RGS7: variants seen among roughly 807,000 people sequenced by gnomAD.
RGS7 encodes the protein regulator of G-protein signaling 7.
RGS7 carries 27 observed loss-of-function variants against 81.1 expected under a neutral mutation model. The ratio of observed to expected loss-of-function variants is 0.33; its 90% CI spans 0.25 to 0.46. The LOEUF is 0.46. RGS7 is among the 20% of genes least tolerant of loss of function. The pLI is 1.00. For synonymous variants in RGS7, 208 were observed against 207.7 expected, an observed-to-expected ratio of 1.00 and a Z score of -0.01; for missense variants, 396 against 607.4, an observed-to-expected ratio of 0.65 and a Z score of 3.66.
chr1:241,256,603 G>A (rs2077061820), intron 2 of RGS7, among the ~76,000 whole-genome samples: 1 of 152,170 alleles, frequency 6.6e-6, no homozygotes, highest in Non-Finnish European at 1.5e-5. Flanking sequence ...GGAAATCCAA[G>A]ATCAAGGTGT....
At chr1:241,180,521 C>T (rs2071529740) in intron 2 of RGS7, among the ~76,000 whole-genome samples, 1 of 152,174 alleles carries the variant, frequency 6.6e-6, no homozygotes, top group Non-Finnish European at 1.5e-5. Context: ...GAGAAACCCA[C>T]CTTGACACCT....
At chr1:241,301,348 T>G (rs916014342) in intron 2 of RGS7, among the ~76,000 whole-genome samples, 4 of 152,206 alleles carry the variant, frequency 2.6e-5, no homozygotes, top group Non-Finnish European at 5.9e-5. Context: ...ATCAAACGAG[T>G]TCTCAAATTC....
intron 18 of RGS7, among the ~76,000 whole-genome samples, chr1:240,790,734 C>A (rs1443711569): frequency 6.6e-6 from 1 of 152,108 alleles, no homozygotes; most frequent in Non-Finnish European, 1.5e-5. Flanking sequence ...TGTCACTGAG[C>A]CTACAGAAAA....
chr1:240,985,862 A>G (rs1363530501), intron 3 of RGS7, among the ~76,000 whole-genome samples: 1 of 152,000 alleles, frequency 6.6e-6, no homozygotes, highest in Non-Finnish European at 1.5e-5. Context: ...TCATCTTGAG[A>G]AGCATGACTC....
intron 2 of RGS7, among the ~76,000 whole-genome samples, chr1:241,216,054 G>A (rs563502969): frequency 5.3e-5 from 8 of 151,870 alleles, no homozygotes; most frequent in South Asian, 2.1e-4. Context: ...GGAAGATCAC[G>A]AGGTTAGGAG....
chr1:241,126,002 A>T (rs540109305), intron 2 of RGS7, among the ~76,000 whole-genome samples: 4 of 152,264 alleles, frequency 2.6e-5, no homozygotes, highest in African/African-American at 9.6e-5. Context: ...CACAGAGAAG[A>T]AGCTAAGCTG....
intron 6 of RGS7, among the ~76,000 whole-genome samples, chr1:240,870,483 G>A (rs1404799982): frequency 6.6e-6 from 1 of 151,938 alleles, no homozygotes; most frequent in African/African-American, 2.4e-5. Flanking sequence ...GGGACTATAG[G>A]CGTGAGCCAC....
intron 2 of RGS7, among the ~76,000 whole-genome samples, chr1:241,269,098 A>AT (rs777643902): frequency 1.4e-4 from 22 of 152,168 alleles, no homozygotes; most frequent in East Asian, 3.8e-4. Context: ...CACTTATATC[A>AT]TTTTTTCTTT....
At chr1:241,211,262 G>A (rs2074226324) in intron 2 of RGS7, among the ~76,000 whole-genome samples, 1 of 152,176 alleles carries the variant, frequency 6.6e-6, no homozygotes, top group South Asian at 2.1e-4. Flanking sequence ...TCCAGACCCT[G>A]TGTGTTTATT....
chr1:240,835,026 AC>A (rs1377474214), intron 9 of RGS7, among the ~76,000 whole-genome samples: 16 of 152,154 alleles, frequency 1.1e-4, no homozygotes, highest in Non-Finnish European at 2.1e-4. Flanking sequence ...TAACAGGAGA[AC>A]ATCTAGGTGA....
At chr1:241,247,018 T>C (rs2076581231) in intron 2 of RGS7, among the ~76,000 whole-genome samples, 3 of 151,866 alleles carry the variant, frequency 2.0e-5, no homozygotes, top group African/African-American at 7.3e-5. Context: ...TGCAAAAGAC[T>C]AAAATTACTG....
intron 2 of RGS7, among the ~76,000 whole-genome samples, chr1:241,213,068 C>T (rs1232193829): frequency 3.3e-5 from 5 of 152,132 alleles, no homozygotes; most frequent in South Asian, 4.1e-4. Flanking sequence ...TTCAGACAAA[C>T]GCAGTGGGCT....
chr1:240,975,014 A>G (rs1256380205), intron 4 of RGS7, among the ~76,000 whole-genome samples: 12 of 152,202 alleles, frequency 7.9e-5, no homozygotes, highest in Admixed American at 7.9e-4. Flanking sequence ...ACCCTCTTCA[A>G]TGCCAGGATT....
At chr1:240,846,827 T>A (rs1180349803) in intron 9 of RGS7, among the ~76,000 whole-genome samples, 1 of 152,160 alleles carries the variant, frequency 6.6e-6, no homozygotes, top group Non-Finnish European at 1.5e-5. Flanking sequence ...GTCTTGGACA[T>A]CCTTATGGAG....
intron 2 of RGS7, among the ~76,000 whole-genome samples, chr1:241,340,243 A>C (rs2082465134): frequency 1.3e-5 from 2 of 152,138 alleles, no homozygotes; most frequent in Admixed American, 1.3e-4. Flanking sequence ...GAAAGGAGAG[A>C]GCTGGTTGTA....
chr1:241,018,954 G>A (rs1043254292), intron 3 of RGS7, among the ~76,000 whole-genome samples: 1 of 152,136 alleles, frequency 6.6e-6, no homozygotes, highest in African/African-American at 2.4e-5. Flanking sequence ...TTCCCCTGGG[G>A]ACTAGGCCTT....
intron 2 of RGS7, among the ~76,000 whole-genome samples, chr1:241,100,174 G>C (rs976213010): frequency 6.6e-6 from 1 of 151,622 alleles, no homozygotes; most frequent in Non-Finnish European, 1.5e-5. Flanking sequence ...AGGAGATCGA[G>C]ACCATCCTGG....
At chr1:241,071,788 C>A (rs1168468199) in intron 3 of RGS7, among the ~76,000 whole-genome samples, 1 of 143,216 alleles carries the variant, frequency 7.0e-6, no homozygotes, top group African/African-American at 2.6e-5. Context: ...ATGGGAGGAT[C>A]CCTTGGGCCC....
intron 3 of RGS7, among the ~76,000 whole-genome samples, chr1:241,091,429 T>A (rs2063865685): frequency 6.6e-6 from 1 of 151,788 alleles, no homozygotes; most frequent in Non-Finnish European, 1.5e-5. Context: ...GCACCTGTAG[T>A]CCCAGCTACT....
Sources: allele counts gnomAD v4.1 joint callset (sites outside exome capture counted in the v4.1 genomes callset), GRCh38; gene constraint gnomAD v4.1.1; transcripts MANE v1.5; gene names NCBI Gene and HGNC (gene_info 2026-07-23, HGNC 2026-07-21).